Variants in ESPN observed in about 807,000 individuals in gnomAD.
ESPN encodes the protein espin.
A neutral mutation model predicts 77.7 loss-of-function variants in ESPN; 68 were observed. The observed-to-expected ratio is 0.87, with a 90% CI of 0.72 to 1.07. ESPN has a LOEUF of 1.07. Ranked by LOEUF, ESPN falls within the 50% of genes least tolerant of loss-of-function variation. The pLI is 0.00. For missense variants in ESPN, 1,060 were observed against 1,239.0 expected, an observed-to-expected ratio of 0.86 and a Z score of 2.17; for synonymous variants, 449 against 567.1, an observed-to-expected ratio of 0.79 and a Z score of 2.96.
chr1:6,432,700 G>C (rs1330786833), intron 2 of ESPN, among the ~76,000 whole-genome samples: 1 of 152,246 alleles, frequency 6.6e-6, no homozygotes, highest in African/African-American at 2.4e-5. Context: ...TGAACCCCTT[G>C]GGCTCAGCTG....
chr1:6,443,816 C>A (rs1643731037), intron 5 of ESPN, among the ~76,000 whole-genome samples: 1 of 152,214 alleles, frequency 6.6e-6, no homozygotes, highest in African/African-American at 2.4e-5. Flanking sequence ...GGCAGCGGAG[C>A]AAGCGGGCTT....
At position 6,428,140 on chromosome 1, in the gene ESPN, C is replaced by T. The variant is rs1378736181; in HGVS notation, c.295-86C>T. On this transcript the variant is annotated intron_variant, in intron 1 of 12. Transcript: ENST00000645284. This position sits in a 1 kb window ranked among gnomAD's most constrained non-coding sequence, Gnocchi z 5.4. ...AAGACAGAGAGCACAGAGCTACCTT[C>T]CAGGCCTGTGGGAGTCTGGGAGTGG... is the stretch of plus-strand genomic sequence containing the variant. 2.9e-6 allele frequency: 4 copies of T among 1,402,622 alleles called. No individual in the cohort carries two copies. In the Admixed American group the frequency reaches 6.8e-5, roughly 24 times the overall value. 86.9% of individuals were successfully genotyped at this position (1,402,622 alleles called of 1,614,324 possible).
At position 6,425,341 on chromosome 1, in the gene ESPN, G is replaced by A. The variant is rs1571379794; in HGVS notation, c.294+92G>A. 9 of 1,445,878 alleles carry A rather than the reference G, an allele frequency of 6.2e-6. No homozygotes were observed. In the East Asian group the frequency reaches 2.3e-4, roughly 36 times the overall value. 89.6% of individuals were successfully genotyped at this position (1,445,878 alleles called of 1,614,324 possible). ...CCCCCGGGGCTCAAGGATGGGTGGG[G>A]TTTGGCACCTCCTGGCCCAGCTGAA... is the stretch of plus-strand genomic sequence containing the variant. On this transcript the variant is annotated intron_variant, in intron 1 of 12. Coordinates refer to ENST00000645284, the MANE Select transcript of ESPN (RefSeq NM_031475.3).
Position 6,451,346 on chromosome 1 carries a change from C to T in ESPN, c.1916-257C>T. The T allele has an allele frequency of 5.3e-6, 3 of 564,724 alleles. No homozygotes were observed. The South Asian group carries it at 6.0e-5, about 11-fold the overall frequency. 35.0% of individuals were successfully genotyped at this position (564,724 alleles called of 1,614,324 possible). A position where few individuals can be genotyped will look rare whatever the true frequency, so the allele number is the denominator to read the frequency against. Reference sequence around the variant, plus strand: ...AAGAGCCACCATGAACTCCCAGGGGCCTCCAGGCAGGGGCCCTCCATCCCG... The same window carrying T: ...AAGAGCCACCATGAACTCCCAGGGGTCTCCAGGCAGGGGCCCTCCATCCCG... On this transcript the variant is annotated intron_variant, in intron 8 of 12. Transcript: ENST00000645284. This position sits in a 1 kb window ranked among gnomAD's most constrained non-coding sequence, Gnocchi z 4.3.
rs754640192 is a variant in ESPN at position 6,459,981 on chromosome 1, C to A, written c.2418-18C>A. Reference sequence around the variant, plus strand: ...GCCCCAGACTTCACCGGGTCTGCCCCCCTCCCCACTGCCTCAGGAAAGAGG... The same window carrying A: ...GCCCCAGACTTCACCGGGTCTGCCCACCTCCCCACTGCCTCAGGAAAGAGG... On this transcript the variant is annotated intron_variant, in intron 12 of 12. Transcript: ENST00000645284. 6.2e-7 allele frequency: 1 copy of A among 1,613,246 alleles called. No individual in the cohort carries two copies. Among genetic ancestry groups the A allele is most frequent in the Admixed American group, 1.7e-5 (1 of 60,012 alleles).
In ESPN at chr1:6,424,911, T is replaced by TG. The variant is rs1642977610; in HGVS notation, c.-41dup. ...CCGCAAGAACACGTGCATGGCGTCC[T>TG]GGGGAAGGCGCTGAGTGCGGAGTCG... On this transcript the variant is annotated 5_prime_UTR_variant, in exon 1 of 13. The change abolishes the stop of an existing upstream ORF in the 5' untranslated region. Transcript: ENST00000645284. The TG allele has an allele frequency of 7.1e-7, 1 of 1,414,910 alleles. No homozygotes were observed. Among genetic ancestry groups the TG allele is most frequent in the Non-Finnish European group, 9.2e-7 (1 of 1,086,162 alleles). The allele number at this position is 1,414,910 out of a possible 1,614,324, so 87.6% of individuals were successfully genotyped here.
At chr1:6,455,705 C>T (rs1182106871) in intron 10 of ESPN, 1 of 399,038 alleles carries the variant, frequency 2.5e-6, no homozygotes, top group Non-Finnish European at 4.4e-6. Flanking sequence ...AGCGCAAGTT[C>T]CGCCACCTAC....
rs746532571 is a variant in ESPN at position 6,451,717 on chromosome 1, T to C, written c.2030T>C (p.Val677Ala). 2 of 1,612,810 alleles carry C rather than the reference T, an allele frequency of 1.2e-6. No individual in the cohort carries two copies. The highest frequency in any genetic ancestry group is 1.7e-6 in the Non-Finnish European group (2 of 1,179,864). ...PTPQSKGLTT[V>A]FSGIGQPAFQ... ...CCCCAGAGCAAGGGGCTGACCACAG[T>C]GTTCTCAGGCATCGGGCAGCCGGCC... The change falls in exon 9 of 13, where the codon GTG becomes GCG. Residue 677 changes from valine (V) to alanine (A), a missense_variant. Around this residue, in one of 3 missense-constraint regions of ESPN, gnomAD observed 374 missense variants for 381.4 expected, o/e 0.98. Coordinates refer to ENST00000645284, the MANE Select transcript of ESPN (RefSeq NM_031475.3). The surrounding 1 kb of genome is among the most constrained non-coding windows in gnomAD (Gnocchi z 4.3).
chr1:6,460,284 C>T lies in ESPN; in HGVS notation c.*138C>T. 1.8e-6 allele frequency: 2 copies of T among 1,128,672 alleles called. No homozygotes were observed. The highest frequency in any genetic ancestry group is 2.5e-6 in the Non-Finnish European group (2 of 803,920). The allele number at this position is 1,128,672 out of a possible 1,614,324, so 69.9% of individuals were successfully genotyped here. A position where few individuals can be genotyped will look rare whatever the true frequency, so the allele number is the denominator to read the frequency against. ...GCTGGAAACCCTCCCTGACCCCCAC[C>T]CTGGCCCCCCGTATCCCCAGCCCTT... is the stretch of plus-strand genomic sequence containing the variant. On this transcript the variant is annotated 3_prime_UTR_variant, in exon 13 of 13. Coordinates refer to ENST00000645284, the MANE Select transcript of ESPN (RefSeq NM_031475.3).
In ESPN at chr1:6,428,724, T is replaced by C. The variant is rs1302410380; in HGVS notation, c.488+305T>C. 2.6e-5 allele frequency among the ~76,000 whole-genome samples: 4 copies of C among 152,164 alleles called. No homozygotes were observed. The highest frequency in any genetic ancestry group is 4.8e-5 in the African/African-American group (2 of 41,450). On this transcript the variant is annotated intron_variant, in intron 2 of 12. Transcript: ENST00000645284. This position sits in a 1 kb window ranked among gnomAD's most constrained non-coding sequence, Gnocchi z 5.4. Reference sequence around the variant, plus strand: ...ACAGGCCAAGGTCACCTGTTCCCCTTGGGCTGCTTCTGCCGCAGGGGCTCT... The same window carrying C: ...ACAGGCCAAGGTCACCTGTTCCCCTCGGGCTGCTTCTGCCGCAGGGGCTCT...
chr1:6,459,867 C>T, intron 12 of ESPN, 132 bp from the exon 13 acceptor site: 1 of 1,084,654 alleles, frequency 9.2e-7, no homozygotes. Flanking sequence ...AGCAACCGAG[C>T]CCCAGCCCTC....
intron 10 of ESPN, among the ~76,000 whole-genome samples, chr1:6,453,402 G>A (rs1199347255): frequency 6.6e-5 from 10 of 152,250 alleles, no homozygotes. Context: ...CAGGGGACTG[G>A]GGCAGCCCTA....
chr1:6,453,555 G>A (rs199965036), intron 10 of ESPN, among the ~76,000 whole-genome samples: 1 of 152,226 alleles, frequency 6.6e-6, no homozygotes, highest in Non-Finnish European at 1.5e-5. Flanking sequence ...GTCTGGAAGT[G>A]AGAGTGGATG....
chr1:6,459,974 T>C (rs1463799077), intron 12 of ESPN, 25 bp from the exon 13 acceptor site: 1 of 1,612,648 alleles, frequency 6.2e-7, no homozygotes, highest in Non-Finnish European at 8.5e-7. Flanking sequence ...CTTCACCGGG[T>C]CTGCCCCCCT....
At chr1:6,453,071 C>G (rs1643980748) in intron 10 of ESPN, among the ~76,000 whole-genome samples, 1 of 152,006 alleles carries the variant, frequency 6.6e-6, no homozygotes, top group Non-Finnish European at 1.5e-5. Context: ...TTTTTGTATT[C>G]TTAGTAGAGA....
intron 12 of ESPN, among the ~76,000 whole-genome samples, chr1:6,459,781 C>T (rs529450059): frequency 1.1e-4 from 16 of 152,304 alleles, no homozygotes; most frequent in Admixed American, 2.6e-4. Flanking sequence ...AATAATCCAG[C>T]CTTAACCTCC....
chr1:6,456,396 C>T, intron 10 of ESPN: 1 of 367,290 alleles, frequency 2.7e-6, no homozygotes, highest in Non-Finnish European at 4.8e-6. Flanking sequence ...GTCGGATAGG[C>T]AGGGCAGGCA....
chr1:6,437,951 G>C lies in ESPN; in HGVS notation c.489-2303G>C, dbSNP rs368832841. Among the ~76,000 whole-genome samples, 6 of 151,958 alleles carry C rather than the reference G, an allele frequency of 3.9e-5. No individual in the cohort carries two copies. Among genetic ancestry groups the C allele is most frequent in the African/African-American group, 1.5e-4 (6 of 41,360 alleles). ...GGAACAAGAGGGTGGGTGGGCAAAG[G>C]GGGGTAGCCTGGTGCCCATTGATGG... On this transcript the variant is annotated intron_variant, in intron 2 of 12. Coordinates refer to ENST00000645284, the MANE Select transcript of ESPN (RefSeq NM_031475.3). This position sits in a 1 kb window ranked among gnomAD's most constrained non-coding sequence, Gnocchi z 4.5.
chr1:6,440,718 C>T lies in ESPN; in HGVS notation c.768C>T (p.Leu256=). Residue 256 remains leucine, a synonymous_variant, in exon 4 of 13, where the codon CTC becomes CTT. Transcript: ENST00000645284. ...CGAGCCGCGGCCACACCAAGGTGCT[C>T]AGCTGGCTGCTGCTGCACGGCGGGG... ...FAASRGHTKV[L]SWLLLHGGEI... 6.5e-7 allele frequency: 1 copy of T among 1,547,652 alleles called. No homozygotes were observed. Among genetic ancestry groups the T allele is most frequent in the South Asian group, 1.2e-5 (1 of 83,784 alleles).
Sources: gnomAD v4.1 joint callset for allele counts (sites outside exome capture counted in the v4.1 genomes callset) on GRCh38, gnomAD v4.1.1 for gene constraint, gnomAD v4.1.1 regional missense constraint, Gnocchi (gnomAD v3.1) non-coding constraint, MANE v1.5 for transcripts, NCBI Gene and HGNC (gene_info 2026-07-23, HGNC 2026-07-21) for gene names.